The following PTPRO variants were observed in gnomAD, a reference collection of about 807,000 sequenced individuals.
PTPRO encodes the protein receptor-type tyrosine-protein phosphatase O.
PTPRO carries 62 observed loss-of-function variants against 145.2 expected under a neutral mutation model. That is an observed-to-expected ratio of 0.43 (90% CI 0.35 to 0.53). The LOEUF is 0.53. Ranked by LOEUF, PTPRO falls within the 20% of genes least tolerant of loss-of-function variation. The pLI is 0.01. For synonymous variants in PTPRO, 565 were observed against 514.7 expected, an observed-to-expected ratio of 1.10 and a Z score of -1.32; for missense variants, 1,345 against 1,482.7, an observed-to-expected ratio of 0.91 and a Z score of 1.53.
At chr12:15,587,152 T>C in intron 24 of PTPRO, 101 bp downstream of exon 24, 1 of 1,296,148 alleles carries the variant, frequency 7.7e-7, no homozygotes, top group Non-Finnish European at 1.1e-6. Flanking sequence ...AGTTGAAAAT[T>C]AAATAAACTC....
intron 1 of PTPRO, among the ~76,000 whole-genome samples, chr12:15,456,517 T>A (rs1378240741): frequency 3.3e-5 from 5 of 152,226 alleles, no homozygotes; most frequent in African/African-American, 1.2e-4. Flanking sequence ...ATAAGATGAG[T>A]TTGGAAGTAT....
chr12:15,497,470 T>G (rs1942131059), intron 3 of PTPRO, 67 bp downstream of exon 3: 1 of 1,500,344 alleles, frequency 6.7e-7, no homozygotes, highest in South Asian at 1.1e-5. Context: ...TCCCAAATGA[T>G]GTTCTCTCTT....
At chr12:15,513,071 GGAAA>G (rs138110186) in intron 7 of PTPRO, among the ~76,000 whole-genome samples, 723 of 52,918 alleles carry the variant, frequency 0.014, 51 homozygotes, top group Middle Eastern at 0.037. Flanking sequence ...AGAGAAAGAA[GGAAA>G]GAAAGAAAGA....
chr12:15,501,739 A>G lies in PTPRO; in HGVS notation c.781A>G (p.Lys261Glu). The G allele has an allele frequency of 2.5e-6, 4 of 1,614,090 alleles. No homozygotes were observed. The highest frequency in any genetic ancestry group is 1.1e-5 in the South Asian group (1 of 91,084). The change falls in exon 5 of 27, where the codon AAA becomes GAA. Residue 261 changes from lysine to glutamate, a missense_variant. Physicochemically the swap from Lys to Glu is moderately conservative, Grantham distance 56 (BLOSUM62 1). Transcript: ENST00000281171. ...CATGAGATCACAAGATACAATAGGA[A>G]AAGAAAAACTCTTCCATTTTACAGA... ...SFMRSQDTIG[K>E]EKLFHFTEET...
intron 1 of PTPRO, chr12:15,410,444 A>C (rs749168602): frequency 6.6e-6 from 1 of 152,208 alleles, no homozygotes; most frequent in Non-Finnish European, 1.5e-5. Context: ...CTGCTGGACT[A>C]CTTGGGTTGG....
intron 17 of PTPRO, among the ~76,000 whole-genome samples, chr12:15,561,799 A>T (rs1943779335): frequency 1.3e-5 from 2 of 152,160 alleles, no homozygotes; most frequent in Non-Finnish European, 2.9e-5. Context: ...ATAAAATGAA[A>T]GAAAGATGCA....
chr12:15,545,547 C>T (rs2135547283), intron 12 of PTPRO, among the ~76,000 whole-genome samples: 1 of 151,498 alleles, frequency 6.6e-6, no homozygotes, highest in South Asian at 2.1e-4. Flanking sequence ...AATTGAGGAA[C>T]AGGCAGGGTT....
At chr12:15,438,118 C>T (rs560693410) in intron 1 of PTPRO, among the ~76,000 whole-genome samples, 1 of 152,252 alleles carries the variant, frequency 6.6e-6, no homozygotes, top group East Asian at 1.9e-4. Flanking sequence ...GAAAGACCCT[C>T]CTCAGCATTC....
intron 12 of PTPRO, 78 bp from the exon 13 acceptor site, chr12:15,546,491 C>G (rs963133487): frequency 6.5e-7 from 1 of 1,542,816 alleles, no homozygotes; most frequent in South Asian, 1.2e-5. Context: ...TTGGGGGATG[C>G]TTCACCTGCT....
At chr12:15,356,583 G>A (rs1937996298) in intron 1 of PTPRO, among the ~76,000 whole-genome samples, 1 of 152,142 alleles carries the variant, frequency 6.6e-6, no homozygotes, top group Non-Finnish European at 1.5e-5. Flanking sequence ...TTGGGACATT[G>A]TTCTCTTCTT....
Position 15,392,742 on chromosome 12 carries a change from A to G in PTPRO, c.75+69941A>G, listed in dbSNP as rs1360926423. On this transcript the variant is annotated intron_variant, in intron 1 of 26. Coordinates refer to ENST00000281171, the MANE Select transcript of PTPRO (RefSeq NM_030667.3). ...TCTCAAAAAAAAAAAAAAAAAAAAAAGAAGAAAAAAGAAGGGGAGCCCTGC... is the reference window on the plus strand; with the variant it reads ...TCTCAAAAAAAAAAAAAAAAAAAAAGGAAGAAAAAAGAAGGGGAGCCCTGC... 2.1e-5 allele frequency among the ~76,000 whole-genome samples: 3 copies of G among 143,938 alleles called. No homozygotes were observed. The East Asian group carries it at 6.2e-4, about 30-fold the overall frequency. 94.4% of individuals were successfully genotyped at this position (143,938 alleles called of 152,430 possible).
intron 1 of PTPRO, among the ~76,000 whole-genome samples, chr12:15,442,226 A>G (rs1159959065): frequency 6.6e-6 from 1 of 152,240 alleles, no homozygotes; most frequent in Non-Finnish European, 1.5e-5. Flanking sequence ...GACTCACCAC[A>G]TAAAGAATTA....
intron 10 of PTPRO, among the ~76,000 whole-genome samples, chr12:15,522,493 T>A (rs908450668): frequency 2.0e-5 from 3 of 151,698 alleles, no homozygotes; most frequent in Non-Finnish European, 4.4e-5. Context: ...CTTTCAAAAA[T>A]AATCATTCAC....
intron 4 of PTPRO, among the ~76,000 whole-genome samples, 153 bp downstream of exon 4, chr12:15,499,747 A>G (rs1942180035): frequency 1.3e-5 from 2 of 152,248 alleles, no homozygotes; most frequent in Non-Finnish European, 2.9e-5. Context: ...ATCAATATAA[A>G]AAGAACTGGG....
At chr12:15,569,530 T>C in intron 19 of PTPRO, 32 bp downstream of exon 19, 1 of 1,556,894 alleles carries the variant, frequency 6.4e-7, no homozygotes, top group Non-Finnish European at 8.9e-7. Context: ...CTACCTTCTG[T>C]AATGGAAAGG....
chr12:15,560,710 G>A (rs771599396), intron 17 of PTPRO, among the ~76,000 whole-genome samples: 12 of 152,010 alleles, frequency 7.9e-5, no homozygotes, highest in Non-Finnish European at 1.2e-4. Context: ...TGCTAACTCA[G>A]TGACTATTAA....
intron 1 of PTPRO, among the ~76,000 whole-genome samples, chr12:15,357,517 A>G (rs187674568): frequency 6.9e-4 from 105 of 152,342 alleles, no homozygotes; most frequent in African/African-American, 2.5e-3. Context: ...AGAATCTACA[A>G]TGAACTCAAA....
chr12:15,466,624 C>T (rs1012509135), intron 1 of PTPRO, among the ~76,000 whole-genome samples: 6 of 152,250 alleles, frequency 3.9e-5, no homozygotes, highest in Admixed American at 2.6e-4. Flanking sequence ...CTATGGCAAG[C>T]ACCTTAATTA....
At chr12:15,347,639 A>T (rs1027126569) in intron 1 of PTPRO, among the ~76,000 whole-genome samples, 1 of 152,212 alleles carries the variant, frequency 6.6e-6, no homozygotes, top group African/African-American at 2.4e-5. Context: ...GAATGAATGT[A>T]TGAGCTTGTA....
Sources: gnomAD v4.1 joint callset for allele counts (sites outside exome capture counted in the v4.1 genomes callset) on GRCh38, gnomAD v4.1.1 for gene constraint, MANE v1.5 for transcripts, NCBI Gene and HGNC (gene_info 2026-07-23, HGNC 2026-07-21) for gene names.